CHST8: variants seen among roughly 807,000 people sequenced by gnomAD.
The protein encoded by CHST8 is carbohydrate sulfotransferase 8.
A neutral mutation model predicts 15.0 loss-of-function variants in CHST8; 10 were observed. The observed-to-expected ratio is 0.67, with a 90% confidence interval of 0.41 to 1.13. The LOEUF (loss-of-function observed/expected upper bound fraction) is 1.13. Among genes scored for constraint, CHST8 ranks in the 50% most tolerant of loss-of-function variants. The probability of loss-of-function intolerance (pLI) is 0.00; values close to 1 mark genes in which losing one functional copy is unlikely to be tolerated. For synonymous variants in CHST8, 259 were observed against 256.6 expected (o/e 1.01, Z -0.09); for missense variants, 634 against 608.2 (o/e 1.04, Z -0.45).
At chr19:33,762,405 G>A (rs1005217153) in intron 3 of CHST8, among the ~76,000 whole-genome samples, 17 of 152,236 alleles carry the variant, frequency 1.1e-4, no homozygotes, top group African/African-American at 3.9e-4. Context: ...CAGCTCCAAG[G>A]GAATTCACGA....
At chr19:33,633,773 T>TTG (rs1972155098) in intron 1 of CHST8, among the ~76,000 whole-genome samples, 1 of 94,336 alleles carries the variant, frequency 1.1e-5, no homozygotes, top group Non-Finnish European at 2.2e-5. Context: ...GTTTTCTTTT[T>TTG]CGTGTGTGTG....
At chr19:33,714,708 T>A (rs142711899) in intron 3 of CHST8, among the ~76,000 whole-genome samples, 2 of 152,300 alleles carry the variant, frequency 1.3e-5, no homozygotes, top group Non-Finnish European at 2.9e-5. Flanking sequence ...AGTGGGTCTT[T>A]CCTGTGCTGT....
At position 33,772,569 on chromosome 19, in the gene CHST8, T is replaced by G. The variant is rs1324654705; in HGVS notation, c.781T>G (p.Phe261Val). The part of the protein sequence containing the change: ...YTKMLFVREP[F>V]ERLVSAFRDK... The stretch of plus-strand genomic sequence containing the variant: ...CAAGATGCTCTTTGTCCGCGAGCCC[T>G]TCGAGAGGCTGGTGTCCGCCTTCCG... The change falls in exon 5 of 5, where the codon TTC becomes GTC. Residue 261 changes from phenylalanine to valine, a missense_variant. Phe to Val is a conservative substitution (Grantham distance 50, BLOSUM62 -1). Coordinates refer to ENST00000650847, the MANE Select transcript of CHST8 (RefSeq NM_001127895.2). The G allele has an allele frequency of 4.3e-6, 7 of 1,614,006 alleles. No individual in the cohort carries two copies. In the African/African-American group the frequency reaches 5.3e-5, roughly 12 times the overall value.
intron 2 of CHST8, among the ~76,000 whole-genome samples, chr19:33,675,211 A>AC (rs1227335003): frequency 1.3e-5 from 2 of 151,662 alleles, no homozygotes; most frequent in African/African-American, 4.8e-5. Context: ...GGCCTGCACC[A>AC]CCCCCAGCAC....
At chr19:33,727,318 G>T (rs1973920071) in intron 3 of CHST8, among the ~76,000 whole-genome samples, 1 of 152,172 alleles carries the variant, frequency 6.6e-6, no homozygotes, top group Non-Finnish European at 1.5e-5. Context: ...GACCCAGGAG[G>T]CTGAACCAGC....
chr19:33,734,026 T>A lies in CHST8; in HGVS notation c.131-37387T>A, dbSNP rs551465016. On this transcript the variant is annotated intron_variant, in intron 3 of 4. Transcript: ENST00000650847. ...GACTAGGGCCTGGGAAAAAAGAGGC[T>A]GAGACCTACTGGGCTGCATTCCCAG... 3.3e-5 allele frequency among the ~76,000 whole-genome samples: 5 copies of A among 152,364 alleles called. No individual in the cohort carries two copies. The South Asian group carries it at 6.2e-4, about 19-fold the overall frequency.
At chr19:33,666,988 T>C (rs1022878186) in intron 1 of CHST8, among the ~76,000 whole-genome samples, 1 of 151,594 alleles carries the variant, frequency 6.6e-6, no homozygotes, top group African/African-American at 2.4e-5. Flanking sequence ...AGTTAGGTGG[T>C]ATTTTTCTGA....
At chr19:33,691,015 G>A (rs544468222) in intron 3 of CHST8, among the ~76,000 whole-genome samples, 5 of 152,334 alleles carry the variant, frequency 3.3e-5, no homozygotes, top group Non-Finnish European at 7.3e-5. Context: ...AGGCATGAGT[G>A]TGCCTGTGAT....
chr19:33,658,387 A>G (rs1010506717), intron 1 of CHST8, among the ~76,000 whole-genome samples: 3 of 152,242 alleles, frequency 2.0e-5, no homozygotes, highest in Non-Finnish European at 4.4e-5. Flanking sequence ...TTACTTATAA[A>G]TTATACCAAT....
chr19:33,729,451 G>A (rs1973956957), intron 3 of CHST8, among the ~76,000 whole-genome samples: 1 of 152,244 alleles, frequency 6.6e-6, no homozygotes, highest in Non-Finnish European at 1.5e-5. Flanking sequence ...CTTAACCTCA[G>A]AAGTGACAGC....
At chr19:33,650,751 A>G (rs1972437214) in intron 1 of CHST8, among the ~76,000 whole-genome samples, 1 of 151,004 alleles carries the variant, frequency 6.6e-6, no homozygotes, top group Admixed American at 6.6e-5. Context: ...TCTGTCACCC[A>G]GGCTGGAGTT....
chr19:33,692,226 T>C (rs1184781047), intron 3 of CHST8, among the ~76,000 whole-genome samples: 1 of 152,220 alleles, frequency 6.6e-6, no homozygotes, highest in African/African-American at 2.4e-5. Context: ...GATGCGAAGA[T>C]GAAGTTTTGT....
intron 3 of CHST8, among the ~76,000 whole-genome samples, chr19:33,743,522 C>G (rs977756603): frequency 6.6e-6 from 1 of 151,966 alleles, no homozygotes; most frequent in African/African-American, 2.4e-5. Flanking sequence ...AGGATGGTCT[C>G]GATCTCCTGA....
chr19:33,657,238 C>T (rs2145217433), intron 1 of CHST8, among the ~76,000 whole-genome samples: 1 of 151,584 alleles, frequency 6.6e-6, no homozygotes, highest in African/African-American at 2.4e-5. Context: ...CACATACACA[C>T]ACATATATAT....
At chr19:33,770,926 G>A (rs1424282123) in intron 3 of CHST8, among the ~76,000 whole-genome samples, 1 of 152,212 alleles carries the variant, frequency 6.6e-6, no homozygotes, top group East Asian at 1.9e-4. Flanking sequence ...GTGCAAAGGT[G>A]TGGGTGTGAA....
intron 3 of CHST8, among the ~76,000 whole-genome samples, chr19:33,766,443 T>C (rs946499305): frequency 6.6e-6 from 1 of 152,186 alleles, no homozygotes; most frequent in Admixed American, 6.5e-5. Flanking sequence ...AGGCCATCTG[T>C]AGCTCAGCAC....
chr19:33,660,395 C>T (rs777172588), intron 1 of CHST8, among the ~76,000 whole-genome samples: 23 of 152,130 alleles, frequency 1.5e-4, no homozygotes, highest in South Asian at 6.2e-4. Context: ...TGATGCCGTT[C>T]GTGGTGGGGG....
chr19:33,716,625 C>G (rs1251493551), intron 3 of CHST8, among the ~76,000 whole-genome samples: 1 of 152,168 alleles, frequency 6.6e-6, no homozygotes, highest in Non-Finnish European at 1.5e-5. Context: ...GCACTGGCCT[C>G]TCAAGGTGCT....
intron 3 of CHST8, among the ~76,000 whole-genome samples, chr19:33,694,093 C>CATATATATATATATAT (rs3040787): frequency 9.6e-5 from 3 of 31,396 alleles, no homozygotes; most frequent in African/African-American, 1.7e-4. Context: ...GTAGTTTATT[C>CATATATATATATATAT]ATATATATAT....
Sources: gnomAD v4.1 joint callset for allele counts (sites outside exome capture counted in the v4.1 genomes callset) on GRCh38, gnomAD v4.1.1 for gene constraint, MANE v1.5 for transcripts, NCBI Gene and HGNC (gene_info 2026-07-23, HGNC 2026-07-21) for gene names.